WDR7: variants seen among roughly 807,000 people sequenced by gnomAD.
WDR7 encodes the protein WD repeat domain 7.
A neutral mutation model predicts 169.4 loss-of-function variants in WDR7; 46 were observed. That is an observed-to-expected ratio of 0.27 (90% CI 0.21 to 0.35). WDR7 has a LOEUF of 0.35. Ranked by LOEUF, WDR7 falls within the 10% of genes least tolerant of loss-of-function variation. The pLI is 1.00. For missense variants in WDR7, 1,534 were observed against 1,859.3 expected (o/e 0.83, Z 3.22); for synonymous variants, 612 against 666.8 (o/e 0.92, Z 1.27).
intron 26 of WDR7, among the ~76,000 whole-genome samples, chr18:57,001,712 C>G (rs1889770061): frequency 6.6e-6 from 1 of 152,108 alleles, no homozygotes; most frequent in Admixed American, 6.6e-5. Context: ...GTCCTCTTCC[C>G]CTGACAATCA....
chr18:56,960,508 G>T (rs1240185691), intron 25 of WDR7, among the ~76,000 whole-genome samples: 1 of 152,046 alleles, frequency 6.6e-6, no homozygotes, highest in Non-Finnish European at 1.5e-5. Context: ...CTATTAACCT[G>T]CACAGAATAA....
chr18:56,989,292 T>C (rs1014298240), intron 26 of WDR7, among the ~76,000 whole-genome samples: 1 of 152,206 alleles, frequency 6.6e-6, no homozygotes, highest in Non-Finnish European at 1.5e-5. Context: ...TTAGATGTCA[T>C]ATTCTAAAGA....
At chr18:56,685,912 T>G in intron 5 of WDR7, 44 bp from the exon 6 acceptor site, 1 of 1,480,484 alleles carries the variant, frequency 6.8e-7, no homozygotes, top group Non-Finnish European at 9.3e-7. Context: ...AAAAGCGTAT[T>G]ATGTTCGTAA....
intron 13 of WDR7, among the ~76,000 whole-genome samples, chr18:56,730,948 A>G (rs1413573196): frequency 6.6e-6 from 1 of 152,174 alleles, no homozygotes; most frequent in Non-Finnish European, 1.5e-5. Context: ...TTTCTTAGAG[A>G]AGCTTCAGCA....
At chr18:56,858,825 AC>A (rs2045760330) in intron 20 of WDR7, among the ~76,000 whole-genome samples, 2 of 152,362 alleles carry the variant, frequency 1.3e-5, no homozygotes, top group South Asian at 4.1e-4. Context: ...CCCTTGAGCA[AC>A]ATCTGCAAGC....
At chr18:56,748,519 T>G (rs1349239457) in intron 14 of WDR7, among the ~76,000 whole-genome samples, 1 of 152,176 alleles carries the variant, frequency 6.6e-6, no homozygotes, top group Non-Finnish European at 1.5e-5. Context: ...GACCTAAACA[T>G]CTATACTTAA....
Position 56,758,880 on chromosome 18 carries a change from C to T in WDR7, c.2775C>T (p.Ser925=), listed in dbSNP as rs2043940515. The T allele has an allele frequency of 5.6e-6, 9 of 1,609,834 alleles. No homozygotes were observed. The East Asian group carries it at 2.0e-4, about 36-fold the overall frequency. The change falls in exon 16 of 28, where the codon AGC becomes AGT. Residue 925 remains serine (S), a synonymous_variant. Coordinates refer to ENST00000254442, the MANE Select transcript of WDR7 (RefSeq NM_015285.3). ...CTTTTTTAAGGCCACCTAGACCAAGCACCCCAGACCTTTCTAAGGCAAGGG... is the reference window on the plus strand; with the variant it reads ...CTTTTTTAAGGCCACCTAGACCAAGTACCCCAGACCTTTCTAAGGCAAGGG... ...KKGPTRPPRP[S]TPDLSKARGS... is the part of the protein sequence containing the mutation.
intron 20 of WDR7, among the ~76,000 whole-genome samples, chr18:56,834,551 G>C (rs1164863336): frequency 6.6e-6 from 1 of 151,758 alleles, no homozygotes; most frequent in Non-Finnish European, 1.5e-5. Flanking sequence ...CTGATTTCTA[G>C]ACCCTTCTCT....
intron 27 of WDR7, among the ~76,000 whole-genome samples, chr18:57,021,500 T>C (rs114542464): frequency 0.015 from 2,342 of 152,324 alleles, 60 homozygotes; most frequent in African/African-American, 0.053. Flanking sequence ...TCCCACATAA[T>C]ACTCATAATG....
chr18:56,747,520 G>A (rs945236430), intron 14 of WDR7, among the ~76,000 whole-genome samples: 1 of 152,172 alleles, frequency 6.6e-6, no homozygotes, highest in African/African-American at 2.4e-5. Flanking sequence ...CACCCAGTGG[G>A]CCCTGGCATT....
intron 25 of WDR7, among the ~76,000 whole-genome samples, chr18:56,954,617 G>A (rs555066849): frequency 6.6e-6 from 1 of 152,184 alleles, no homozygotes; most frequent in Non-Finnish European, 1.5e-5. Context: ...TGATGGGAGG[G>A]AATTATTGGT....
intron 22 of WDR7, among the ~76,000 whole-genome samples, chr18:56,934,364 A>G (rs974808043): frequency 6.6e-6 from 1 of 152,026 alleles, no homozygotes; most frequent in Non-Finnish European, 1.5e-5. Context: ...ACCTCTTTCC[A>G]GCTCCTACTG....
At chr18:56,910,921 GTTA>G (rs1298758274) in intron 21 of WDR7, among the ~76,000 whole-genome samples, 3 of 152,106 alleles carry the variant, frequency 2.0e-5, no homozygotes, top group Admixed American at 1.3e-4. Context: ...TTACTTAAAA[GTTA>G]TTGTGTATCC....
At chr18:56,655,618 C>CAAAAAAA (rs56899358) in intron 1 of WDR7, among the ~76,000 whole-genome samples, 5 of 133,994 alleles carry the variant, frequency 3.7e-5, no homozygotes, top group African/African-American at 6.6e-5. Context: ...GACCCTGTCT[C>CAAAAAAA]AAAAAAAAAA....
At chr18:56,986,991 A>C (rs2047731100) in intron 26 of WDR7, among the ~76,000 whole-genome samples, 1 of 152,106 alleles carries the variant, frequency 6.6e-6, no homozygotes, top group South Asian at 2.1e-4. Flanking sequence ...TTGTTATGCA[A>C]ACATTGTTCT....
chr18:57,009,153 T>C (rs1469012332), intron 26 of WDR7, among the ~76,000 whole-genome samples: 1 of 152,256 alleles, frequency 6.6e-6, no homozygotes, highest in Non-Finnish European at 1.5e-5. Flanking sequence ...TTTATGAATA[T>C]TATGATTTTA....
At chr18:56,942,548 C>T (rs80032063) in intron 25 of WDR7, among the ~76,000 whole-genome samples, 8,028 of 152,240 alleles carry the variant, frequency 0.053, 211 homozygotes, top group Non-Finnish European at 0.065. Context: ...TTTTATTAAT[C>T]TTTCTTAAAT....
At chr18:56,891,807 A>G (rs1039913559) in intron 21 of WDR7, among the ~76,000 whole-genome samples, 6 of 152,076 alleles carry the variant, frequency 3.9e-5, no homozygotes, top group African/African-American at 1.4e-4. Flanking sequence ...TTCTTTGGCC[A>G]CATTATCATA....
At chr18:56,998,547 TCTTTACTC>T (rs1205444556) in intron 26 of WDR7, among the ~76,000 whole-genome samples, 3 of 152,182 alleles carry the variant, frequency 2.0e-5, no homozygotes, top group Non-Finnish European at 4.4e-5. Flanking sequence ...CTTCTGTACT[TCTTTACTC>T]TGCTGTTTGC....
Sources: gnomAD v4.1 joint callset for allele counts (sites outside exome capture counted in the v4.1 genomes callset) on GRCh38, gnomAD v4.1.1 for gene constraint, MANE v1.5 for transcripts, NCBI Gene and HGNC (gene_info 2026-07-23, HGNC 2026-07-21) for gene names.